Variants in DGKH observed in about 807,000 individuals in gnomAD.
The protein encoded by DGKH is DAG kinase eta.
A neutral mutation model predicts 159.3 loss-of-function variants in DGKH; 90 were observed. The ratio of observed to expected loss-of-function variants is 0.57; its 90% CI spans 0.48 to 0.67. The LOEUF (loss-of-function observed/expected upper bound fraction) is 0.67. Among genes scored for constraint, DGKH ranks in the 30% least tolerant of loss-of-function variants. The pLI is 0.00. For synonymous variants in DGKH, 536 were observed against 553.8 expected (o/e 0.97, Z 0.45); for missense variants, 1,181 against 1,506.1 (o/e 0.78, Z 3.57).
intron 26 of DGKH, among the ~76,000 whole-genome samples, chr13:42,218,293 A>G (rs1384301959): frequency 1.3e-5 from 2 of 152,120 alleles, no homozygotes; most frequent in African/African-American, 4.8e-5. Flanking sequence ...TTCTCCTTAA[A>G]ATATCCAAAC....
rs1215905226 is a variant in DGKH at position 42,198,654 on chromosome 13, A to T, written c.2285+59A>T. 3.6e-5 allele frequency: 43 copies of T among 1,195,512 alleles called. No individual in the cohort carries two copies. In the East Asian group the frequency reaches 9.5e-4, roughly 26 times the overall value. 74.1% of individuals were successfully genotyped at this position (1,195,512 alleles called of 1,614,324 possible). ...GTTTTTCTTGTTTTTTTTTTTTTTC[A>T]ACATGAACTGTAACATTTTAAATGT... is the stretch of plus-strand genomic sequence containing the variant. On this transcript the variant is annotated intron_variant, in intron 18 of 29. Transcript: ENST00000337343.
At chr13:42,070,208 G>T in intron 1 of DGKH, 1 of 1,030,414 alleles carries the variant, frequency 9.7e-7, no homozygotes, top group South Asian at 1.3e-5. Flanking sequence ...GTCAAAATTT[G>T]TTCCAGGAAA....
intron 1 of DGKH, among the ~76,000 whole-genome samples, chr13:42,095,159 T>C: frequency 7.7e-6 from 1 of 130,328 alleles, no homozygotes; most frequent in South Asian, 2.7e-4. Context: ...TTGACTCCTT[T>C]TTTTTTTTTT....
intron 29 of DGKH, among the ~76,000 whole-genome samples, chr13:42,248,034 A>G (rs2138336102): frequency 6.6e-6 from 1 of 152,328 alleles, no homozygotes; most frequent in South Asian, 2.1e-4. Context: ...TAAAGTCTAC[A>G]GTAGTGCAAA....
chr13:42,236,364 A>G lies in DGKH; in HGVS notation c.*7176A>G, dbSNP rs918880653. The stretch of plus-strand genomic sequence containing the variant: ...TTCCTTTTAAAAAACTGTATTCTTT[A>G]CTGCAATAGATAGCGGAATAGTAAT... On this transcript the variant is annotated 3_prime_UTR_variant, in exon 30 of 30. Coordinates refer to ENST00000337343, the MANE Select transcript of DGKH (RefSeq NM_178009.5). The G allele has an allele frequency of 6.6e-6, 1 of 151,976 alleles. No individual in the cohort carries two copies. The highest frequency in any genetic ancestry group is 1.5e-5 in the Non-Finnish European group (1 of 68,030). 9.4% of individuals were successfully genotyped at this position (151,976 alleles called of 1,614,324 possible).
chr13:42,244,126 C>T (rs1420912003), downstream of DGKH, among the ~76,000 whole-genome samples: 1 of 152,164 alleles, frequency 6.6e-6, no homozygotes, highest in Non-Finnish European at 1.5e-5. Context: ...CAAGTTCAGA[C>T]TCAGCCATCA....
intron 1 of DGKH, among the ~76,000 whole-genome samples, chr13:42,061,738 AAATT>A (rs1048122119): frequency 1.3e-5 from 2 of 152,318 alleles, no homozygotes; most frequent in Admixed American, 1.3e-4. Context: ...GATAAAGTCT[AAATT>A]AGTCTTTTCT....
At chr13:42,059,675 C>T (rs1312532839) in intron 1 of DGKH, among the ~76,000 whole-genome samples, 1 of 152,138 alleles carries the variant, frequency 6.6e-6, no homozygotes, top group Non-Finnish European at 1.5e-5. Flanking sequence ...CTTGAAATAT[C>T]TTTCTAAGAG....
intron 3 of DGKH, among the ~76,000 whole-genome samples, chr13:42,150,997 G>T (rs768690070): frequency 2.5e-4 from 38 of 152,150 alleles, no homozygotes; most frequent in Admixed American, 3.9e-4. Flanking sequence ...TTGGAGAGAT[G>T]CAAGGAAGGG....
intron 1 of DGKH, among the ~76,000 whole-genome samples, chr13:42,055,155 C>T (rs1390440656): frequency 6.6e-6 from 1 of 152,148 alleles, no homozygotes; most frequent in African/African-American, 2.4e-5. Context: ...CTGTAGTTTG[C>T]TGGCACCTAT....
rs1958323239 is a variant in DGKH, at chr13:42,232,499, C to G, written c.*3311C>G. Reference sequence around the variant, plus strand: ...TCCTACATCCTGGCTCTTCATTTTCCCAATGCCCAATATAATCATGGTTGC... The same window carrying G: ...TCCTACATCCTGGCTCTTCATTTTCGCAATGCCCAATATAATCATGGTTGC... On this transcript the variant is annotated 3_prime_UTR_variant, in exon 30 of 30. Transcript: ENST00000337343. 6.6e-6 allele frequency: 1 copy of G among 152,144 alleles called. No homozygotes were observed. Among genetic ancestry groups the G allele is most frequent in the Non-Finnish European group, 1.5e-5 (1 of 68,038 alleles). 9.4% of individuals were successfully genotyped at this position (152,144 alleles called of 1,614,324 possible).
chr13:42,078,141 T>TATTTCTTTGATTTTTCAAAAAAAATCCA (rs1168366646), intron 1 of DGKH, among the ~76,000 whole-genome samples: 1 of 152,212 alleles, frequency 6.6e-6, no homozygotes, highest in East Asian at 1.9e-4. Flanking sequence ...TCAAAAGAAG[T>TATTTCTTTGATTTTTCAAAAAAAATCCA]GTAGTAAGTA....
At chr13:42,158,691 C>T (rs1171223372) in intron 5 of DGKH, among the ~76,000 whole-genome samples, 1 of 152,120 alleles carries the variant, frequency 6.6e-6, no homozygotes. Flanking sequence ...AAGATAGGGC[C>T]GTGTTGGTCA....
At chr13:42,126,627 G>A (rs1413286436) in intron 1 of DGKH, among the ~76,000 whole-genome samples, 1 of 152,206 alleles carries the variant, frequency 6.6e-6, no homozygotes, top group African/African-American at 2.4e-5. Context: ...TCTTACAGCT[G>A]CATCTCCCTC....
At chr13:42,124,793 G>A (rs891785742) in intron 1 of DGKH, among the ~76,000 whole-genome samples, 2 of 152,196 alleles carry the variant, frequency 1.3e-5, no homozygotes, top group Non-Finnish European at 2.9e-5. Context: ...TAGAATGCTG[G>A]CATTAAATCT....
intron 28 of DGKH, 135 bp from the exon 29 acceptor site, chr13:42,221,129 T>G: frequency 8.4e-7 from 1 of 1,188,478 alleles, no homozygotes; most frequent in Non-Finnish European, 1.2e-6. Context: ...ATGGTTTTGT[T>G]GAAACAACAC....
chr13:42,143,656 A>G lies in DGKH; in HGVS notation c.385-11635A>G, dbSNP rs965691742. ...GGTGTATGTGTCGAGGAATTTATCCATTTCTTCTAGATTTTCTAGTTTATT... is the reference window on the plus strand; with the variant it reads ...GGTGTATGTGTCGAGGAATTTATCCGTTTCTTCTAGATTTTCTAGTTTATT... On this transcript the variant is annotated intron_variant, in intron 3 of 29. Transcript: ENST00000337343. 5.3e-5 allele frequency among the ~76,000 whole-genome samples: 8 copies of G among 152,018 alleles called. No individual in the cohort carries two copies. The South Asian group carries it at 6.2e-4, about 12-fold the overall frequency.
chr13:42,200,578 G>T (rs999725989), intron 20 of DGKH, among the ~76,000 whole-genome samples: 3 of 151,966 alleles, frequency 2.0e-5, no homozygotes, highest in Non-Finnish European at 4.4e-5. Flanking sequence ...GTATCTTTTT[G>T]TAACTATATA....
intron 29 of DGKH, among the ~76,000 whole-genome samples, chr13:42,250,538 A>G (rs1422349888): frequency 1.3e-5 from 2 of 152,198 alleles, no homozygotes; most frequent in Non-Finnish European, 2.9e-5. Context: ...GCTACAAACA[A>G]TTGTCAATAA....
Sources: gnomAD v4.1 joint callset for allele counts (sites outside exome capture counted in the v4.1 genomes callset) on GRCh38, gnomAD v4.1.1 for gene constraint, MANE v1.5 for transcripts, NCBI Gene and HGNC (gene_info 2026-07-23, HGNC 2026-07-21) for gene names.